Variants in OR9Q1 observed in about 807,000 individuals in gnomAD.
The protein encoded by OR9Q1 is olfactory receptor 9Q1.
For synonymous variants in OR9Q1, 153 were observed against 148.6 expected (o/e 1.03, Z -0.22); for missense variants, 374 against 378.8 (o/e 0.99, Z 0.11).
At chr11:58,035,789 C>T (rs1853095143) in intron 1 of OR9Q1, among the ~76,000 whole-genome samples, 1 of 152,098 alleles carries the variant, frequency 6.6e-6, no homozygotes, top group Non-Finnish European at 1.5e-5. Flanking sequence ...CAAGAATGTG[C>T]TTTAGATTCT....
rs578106670 is a variant in OR9Q1 at position 58,063,508 on chromosome 11, G to A, written c.-15+7561G>A. 3.3e-5 allele frequency among the ~76,000 whole-genome samples: 5 copies of A among 152,206 alleles called. No homozygotes were observed. The South Asian group carries it at 1.0e-3, about 32-fold the overall frequency. On this transcript the variant is annotated intron_variant, in intron 2 of 2. Coordinates refer to ENST00000335397, the MANE Select transcript of OR9Q1 (RefSeq NM_001005212.4). Reference sequence around the variant, plus strand: ...AAATATCCAGTAAATGATAGATATAGTTATTATTAGAGTTACTCTCAGCCA... The same window carrying A: ...AAATATCCAGTAAATGATAGATATAATTATTATTAGAGTTACTCTCAGCCA...
At chr11:58,127,614 C>G (rs933042188) in intron 2 of OR9Q1, among the ~76,000 whole-genome samples, 4 of 152,288 alleles carry the variant, frequency 2.6e-5, no homozygotes, top group Non-Finnish European at 5.9e-5. Context: ...GATCCCTTAG[C>G]TAATGGCAAT....
chr11:58,142,311 TG>T (rs1022633616), intron 2 of OR9Q1, among the ~76,000 whole-genome samples: 3 of 152,126 alleles, frequency 2.0e-5, no homozygotes, highest in African/African-American at 7.2e-5. Context: ...ACTAGAAAAG[TG>T]CCTGCTACAT....
intron 2 of OR9Q1, chr11:58,118,811 A>G (rs371509891): frequency 9.3e-6 from 15 of 1,613,986 alleles, no homozygotes; most frequent in Admixed American, 1.7e-5. Context: ...AGGATGACGG[A>G]GGCATTGGCC....
intron 1 of OR9Q1, chr11:58,030,859 G>A: frequency 1.3e-6 from 1 of 751,672 alleles, no homozygotes; most frequent in East Asian, 2.5e-5. Context: ...TGAAGTGAAA[G>A]GCATTTTAGT....
At chr11:58,082,610 G>T (rs1258961471) in intron 2 of OR9Q1, among the ~76,000 whole-genome samples, 2 of 64,432 alleles carry the variant, frequency 3.1e-5, no homozygotes, top group Non-Finnish European at 5.7e-5. Context: ...GTGGGGGGAG[G>T]GGGGAGGGAT....
chr11:58,130,973 T>C lies in OR9Q1; in HGVS notation c.-14-48458T>C, dbSNP rs75668582. 9.5e-4 allele frequency among the ~76,000 whole-genome samples: 144 copies of C among 152,300 alleles called. 3 individuals are homozygous for C. In the East Asian group the frequency reaches 0.025, roughly 27 times the overall value. ...ATAAAAATCTATAATCATGGTACTG[T>C]TATTTCATAATAAAAAATTGAAAAT... On this transcript the variant is annotated intron_variant, in intron 2 of 2. Transcript: ENST00000335397.
chr11:58,180,007 C>T lies in OR9Q1; in HGVS notation c.563C>T (p.Thr188Ile). 1 of 1,614,122 alleles carries T rather than the reference C, an allele frequency of 6.2e-7. No individual in the cohort carries two copies. Among genetic ancestry groups the T allele is most frequent in the Non-Finnish European group, 8.5e-7 (1 of 1,179,984 alleles). The change falls in exon 3 of 3, where the codon ACC (threonine) becomes ATC (isoleucine). Residue 188 changes from threonine (T) to isoleucine (I), a missense_variant. Thr to Ile is a moderately conservative substitution (Grantham distance 89). Coordinates refer to ENST00000335397, the MANE Select transcript of OR9Q1 (RefSeq NM_001005212.4). ...GACCTCCCTCCTCTGTTAAAGTTGA[C>T]CTGTGGGGAGAGCTACACTCAAGAA... ...FCDLPPLLKL[T>I]CGESYTQEVL...
At chr11:58,048,565 A>G (rs995526832) in intron 1 of OR9Q1, among the ~76,000 whole-genome samples, 11 of 151,238 alleles carry the variant, frequency 7.3e-5, no homozygotes, top group Non-Finnish European at 1.6e-4. Context: ...GGAGGCTGAG[A>G]CAGAAGAATT....
chr11:58,056,724 T>C (rs543128961), intron 2 of OR9Q1, among the ~76,000 whole-genome samples: 3 of 152,262 alleles, frequency 2.0e-5, no homozygotes, highest in South Asian at 4.1e-4. Context: ...TGACCCCTTA[T>C]CTAGTCCATT....
intron 1 of OR9Q1, among the ~76,000 whole-genome samples, chr11:58,039,614 T>C (rs578173856): frequency 6.6e-6 from 1 of 152,318 alleles, no homozygotes; most frequent in African/African-American, 2.4e-5. Flanking sequence ...TTTGCATAGG[T>C]GGTCACTTCA....
chr11:58,160,011 T>C lies in OR9Q1; in HGVS notation c.-14-19420T>C, dbSNP rs183537607. Among the ~76,000 whole-genome samples the C allele has an allele frequency of 1.4e-3, 211 of 152,314 alleles. 1 individual carries two copies. Among genetic ancestry groups the C allele is most frequent in the Non-Finnish European group, 2.5e-3 (168 of 68,022 alleles). On this transcript the variant is annotated intron_variant, in intron 2 of 2. Transcript: ENST00000335397. Reference sequence around the variant, plus strand: ...CTCTGTGACTGCTGAGGCTGGGCCATGAAAGGCAACATGGCTTCTGCCTGG... The same window carrying C: ...CTCTGTGACTGCTGAGGCTGGGCCACGAAAGGCAACATGGCTTCTGCCTGG...
At position 58,136,168 on chromosome 11, in the gene OR9Q1, G is replaced by A. The variant is rs557998463; in HGVS notation, c.-14-43263G>A. Among the ~76,000 whole-genome samples the A allele has an allele frequency of 2.4e-4, 37 of 152,242 alleles. No individual in the cohort carries two copies. In the South Asian group the frequency reaches 3.7e-3, roughly 15 times the overall value. On this transcript the variant is annotated intron_variant, in intron 2 of 2. Transcript: ENST00000335397. ...TGGTTATCATAGGTAACTAATGTGG[G>A]GGAAAGATAACCCAGAGTTACAGAC...
chr11:58,076,287 C>T (rs1307986717), intron 2 of OR9Q1, among the ~76,000 whole-genome samples: 1 of 152,204 alleles, frequency 6.6e-6, no homozygotes, highest in African/African-American at 2.4e-5. Context: ...TGCTCATGGT[C>T]TTTCATGACT....
intron 2 of OR9Q1, among the ~76,000 whole-genome samples, chr11:58,100,783 G>T (rs1469832824): frequency 6.6e-6 from 1 of 151,960 alleles, no homozygotes; most frequent in South Asian, 2.1e-4. Flanking sequence ...ATGAATGGAT[G>T]AAGAAAACAT....
chr11:58,039,025 T>G (rs1187911221), intron 1 of OR9Q1, among the ~76,000 whole-genome samples: 1 of 152,186 alleles, frequency 6.6e-6, no homozygotes, highest in Non-Finnish European at 1.5e-5. Flanking sequence ...GGTCTCACTC[T>G]GATGCCCAGG....
Position 58,046,475 on chromosome 11 carries a change from G to A in OR9Q1, c.-92-9395G>A, listed in dbSNP as rs908136998. On this transcript the variant is annotated intron_variant, in intron 1 of 2. Coordinates refer to ENST00000335397, the MANE Select transcript of OR9Q1 (RefSeq NM_001005212.4). ...ATAGAGGTATGTGAAAAATGCTATT[G>A]TTGCTCAGTGAAGGGAGTGTTTAAC... 5.9e-5 allele frequency among the ~76,000 whole-genome samples: 9 copies of A among 152,308 alleles called. No individual in the cohort carries two copies. The South Asian group carries it at 1.5e-3, about 25-fold the overall frequency.
Position 58,118,964 on chromosome 11 carries a change from T to G in OR9Q1, c.-14-60467T>G, listed in dbSNP as rs746160612. 33 of 1,613,768 alleles carry G rather than the reference T, an allele frequency of 2.0e-5. No homozygotes were observed. Among genetic ancestry groups the G allele is most frequent in the Non-Finnish European group, 2.8e-5 (33 of 1,179,972 alleles). On this transcript the variant is annotated intron_variant, in intron 2 of 2. Coordinates refer to ENST00000335397, the MANE Select transcript of OR9Q1 (RefSeq NM_001005212.4). ...CAGAAGGAGAGGGTGAAGGTGCAAGTGGTACGCAGGATGGCTCCTGACACC... is the reference window on the plus strand; with the variant it reads ...CAGAAGGAGAGGGTGAAGGTGCAAGGGGTACGCAGGATGGCTCCTGACACC...
intron 2 of OR9Q1, among the ~76,000 whole-genome samples, chr11:58,093,759 C>CAAAAAAAAAAAAAAAA (rs71061572): frequency 3.4e-4 from 12 of 35,556 alleles, no homozygotes; most frequent in Non-Finnish European, 3.9e-4. Context: ...GACTTCATCT[C>CAAAAAAAAAAAAAAAA]AAAAAAAAAA....
Sources: allele counts gnomAD v4.1 joint callset (sites outside exome capture counted in the v4.1 genomes callset), GRCh38; gene constraint gnomAD v4.1.1; transcripts MANE v1.5; gene names NCBI Gene and HGNC (gene_info 2026-07-23, HGNC 2026-07-21).